The following ALG8 variants were observed in gnomAD, a reference collection of about 807,000 sequenced individuals.
The protein encoded by ALG8 is ALG8 alpha-1,3-glucosyltransferase.
ALG8 carries 48 observed loss-of-function variants against 70.2 expected under a neutral mutation model. The ratio of observed to expected loss-of-function variants is 0.68; its 90% CI spans 0.54 to 0.87. ALG8 has a LOEUF of 0.87. Among genes scored for constraint, ALG8 ranks in the 40% least tolerant of loss-of-function variants. The pLI is 0.00. For synonymous variants in ALG8, 234 were observed against 229.0 expected (o/e 1.02, Z -0.20); for missense variants, 572 against 608.7 (o/e 0.94, Z 0.64).
intron 1 of ALG8, among the ~76,000 whole-genome samples, chr11:78,132,700 T>G (rs1861355253): frequency 6.6e-6 from 1 of 152,122 alleles, no homozygotes. Flanking sequence ...CACCACATAC[T>G]CTGCATGGAT....
At chr11:78,116,299 G>A (rs1478848753) in intron 5 of ALG8, among the ~76,000 whole-genome samples, 1 of 152,150 alleles carries the variant, frequency 6.6e-6, no homozygotes, top group Non-Finnish European at 1.5e-5. Flanking sequence ...GTTGCAGTGA[G>A]GTGGAGGTTG....
chr11:78,107,222 T>TATAA (rs1359019325), intron 9 of ALG8, among the ~76,000 whole-genome samples: 3 of 135,142 alleles, frequency 2.2e-5, no homozygotes, highest in African/African-American at 7.8e-5. Flanking sequence ...TATATATATA[T>TATAA]AATTTTTTGT....
intron 8 of ALG8, 182 bp downstream of exon 8, chr11:78,112,468 T>C (rs1860332837): frequency 1.3e-6 from 1 of 743,954 alleles, no homozygotes; most frequent in Non-Finnish European, 2.2e-6. Flanking sequence ...GAAAACAGTC[T>C]GTTTACTGCA....
intron 5 of ALG8, among the ~76,000 whole-genome samples, chr11:78,117,944 G>A (rs145866783): frequency 0.015 from 2,331 of 150,882 alleles, 24 homozygotes; most frequent in Non-Finnish European, 0.026. Context: ...GGTGGCAGGC[G>A]CCTGTAGTCC....
At chr11:78,129,203 G>A (rs1416110765) in intron 1 of ALG8, among the ~76,000 whole-genome samples, 2 of 151,548 alleles carry the variant, frequency 1.3e-5, no homozygotes, top group East Asian at 2.0e-4. Flanking sequence ...GGCGGATCAC[G>A]AGGTCAGGAG....
At position 78,123,315 on chromosome 11, in the gene ALG8, G is replaced by GAAAAAAA. The variant is rs1220218900; in HGVS notation, c.368+699_368+705dup. ...AAGATTCCATCTCAGGGAAAAAAAA[G>GAAAAAAA]AAAAAAAAAAAAAAAAAAAAAGAAA... On this transcript the variant is annotated intron_variant, in intron 3 of 12. Coordinates refer to ENST00000299626, the MANE Select transcript of ALG8 (RefSeq NM_024079.5). Among the ~76,000 whole-genome samples, 455 of 88,528 alleles carry GAAAAAAA rather than the reference G, an allele frequency of 5.1e-3. 5 individuals are homozygous for GAAAAAAA. The highest frequency in any genetic ancestry group is 0.022 in the Middle Eastern group (3 of 134). The allele number at this position is 88,528 out of a possible 152,430, so 58.1% of individuals were successfully genotyped here. A position where few individuals can be genotyped will look rare whatever the true frequency, so the allele number is the denominator to read the frequency against.
intron 1 of ALG8, among the ~76,000 whole-genome samples, chr11:78,131,647 G>A (rs1419472502): frequency 1.3e-5 from 2 of 152,070 alleles, no homozygotes; most frequent in East Asian, 3.9e-4. Flanking sequence ...TGTATTTTTT[G>A]TAGAGACGGG....
chr11:78,123,025 G>A (rs1204473494), intron 3 of ALG8, among the ~76,000 whole-genome samples: 1 of 129,530 alleles, frequency 7.7e-6, no homozygotes, highest in Non-Finnish European at 1.8e-5. Context: ...AGGAAAGAAT[G>A]AGGTCGGTGC....
intron 1 of ALG8, among the ~76,000 whole-genome samples, chr11:78,129,494 C>G (rs189949574): frequency 6.6e-6 from 1 of 151,952 alleles, no homozygotes; most frequent in Non-Finnish European, 1.5e-5. Context: ...CCACAAACAG[C>G]AGAATAGCTA....
intron 5 of ALG8, among the ~76,000 whole-genome samples, 186 bp downstream of exon 5, chr11:78,118,996 T>C (rs1248718988): frequency 6.6e-6 from 1 of 152,198 alleles, no homozygotes; most frequent in Non-Finnish European, 1.5e-5. Context: ...GTCTCATCTG[T>C]TAAATGAAGA....
At chr11:78,114,028 A>C (rs1351634482) in intron 6 of ALG8, 39 bp from the exon 7 acceptor site, 3 of 1,529,970 alleles carry the variant, frequency 2.0e-6, no homozygotes, top group Non-Finnish European at 1.8e-6. Flanking sequence ...AGGAAGATGG[A>C]AAGGAACATT....
intron 10 of ALG8, among the ~76,000 whole-genome samples, chr11:78,106,461 T>C (rs1860035808): frequency 6.6e-6 from 1 of 152,188 alleles, no homozygotes; most frequent in Admixed American, 6.5e-5. Context: ...CCTCCCTAAG[T>C]GCTGGGATTA....
chr11:78,103,924 C>T (rs1859907545), intron 12 of ALG8, 56 bp downstream of exon 12: 2 of 977,036 alleles, frequency 2.0e-6, no homozygotes, highest in Non-Finnish European at 3.2e-6. Context: ...TATTTGACCA[C>T]TTAGGTGTAA....
chr11:78,111,417 C>G (rs617606), intron 8 of ALG8, among the ~76,000 whole-genome samples: 2 of 152,052 alleles, frequency 1.3e-5, no homozygotes, highest in Non-Finnish European at 2.9e-5. Flanking sequence ...GAAAGTTAGA[C>G]GAAAGGAAGC....
chr11:78,112,845 C>T, intron 7 of ALG8, 75 bp from the exon 8 acceptor site: 2 of 1,554,286 alleles, frequency 1.3e-6, no homozygotes, highest in Non-Finnish European at 1.7e-6. Flanking sequence ...CTAGGGAACT[C>T]TCTATGGTAT....
chr11:78,138,837 C>A (rs964099174), intron 1 of ALG8: 1 of 455,754 alleles, frequency 2.2e-6, no homozygotes, highest in East Asian at 6.9e-5. Flanking sequence ...CCCCAGTGCA[C>A]CCCATGCTGT....
intron 1 of ALG8, among the ~76,000 whole-genome samples, chr11:78,130,046 C>A (rs923977213): frequency 6.6e-6 from 1 of 151,972 alleles, no homozygotes; most frequent in Non-Finnish European, 1.5e-5. Context: ...AAAATTTAAC[C>A]TATGCGGTTA....
intron 1 of ALG8, 88 bp downstream of exon 1, chr11:78,139,406 C>T: frequency 7.7e-7 from 1 of 1,305,944 alleles, no homozygotes; most frequent in Non-Finnish European, 1.1e-6. Flanking sequence ...GTTTTCTCTT[C>T]ATACCCAGGG....
chr11:78,130,426 C>T (rs1374132367), intron 1 of ALG8, among the ~76,000 whole-genome samples: 1 of 149,736 alleles, frequency 6.7e-6, no homozygotes, highest in Non-Finnish European at 1.5e-5. Context: ...GGAAAGATGC[C>T]CGAGGGATAA....
Sources: gnomAD v4.1 joint callset for allele counts (sites outside exome capture counted in the v4.1 genomes callset) on GRCh38, gnomAD v4.1.1 for gene constraint, MANE v1.5 for transcripts, NCBI Gene and HGNC (gene_info 2026-07-23, HGNC 2026-07-21) for gene names.